RANBP2: variants seen among roughly 807,000 people sequenced by gnomAD.
RANBP2 encodes RAN binding protein 2.
In RANBP2, 57 loss-of-function variants were observed where a neutral mutation model predicts 303.6. That is an observed-to-expected ratio of 0.19 (90% CI 0.15 to 0.23). The LOEUF (loss-of-function observed/expected upper bound fraction) is 0.23. Ranked by LOEUF, RANBP2 falls within the 10% of genes least tolerant of loss-of-function variation. The probability of loss-of-function intolerance (pLI) is 1.00; values close to 1 mark genes in which losing one functional copy is unlikely to be tolerated. For synonymous variants in RANBP2, 1,167 were observed against 1,301.5 expected (o/e 0.90, Z 2.23); for missense variants, 3,138 against 3,780.8 (o/e 0.83, Z 4.46).
the RANBP2 span, among the ~76,000 whole-genome samples, chr2:109,286,288 G>A: frequency 0.011 from 1,630 of 152,332 alleles, 29 homozygotes; most frequent in African/African-American, 0.036. Flanking sequence ...TGATGGAAAA[G>A]TGTGGTCAAG....
chr2:109,321,345 T>C, the RANBP2 span, among the ~76,000 whole-genome samples: 1 of 152,254 alleles, frequency 6.6e-6, no homozygotes, highest in East Asian at 1.9e-4. Context: ...GCCTCTTCCA[T>C]ACCAGAACGT....
At chr2:109,241,611 C>A in the RANBP2 span, among the ~76,000 whole-genome samples, 1 of 152,102 alleles carries the variant, frequency 6.6e-6, no homozygotes, top group East Asian at 1.9e-4. Context: ...GTTCGGTCAG[C>A]TCTGCTGGGA....
chr2:109,631,875 G>T, the RANBP2 span, among the ~76,000 whole-genome samples: 1 of 152,124 alleles, frequency 6.6e-6, no homozygotes, highest in Admixed American at 6.5e-5. Flanking sequence ...TTTTTGAGTG[G>T]TAGGGCTTTT....
At chr2:108,791,932 CT>C in the RANBP2 span, 1 of 923,454 alleles carries the variant, frequency 1.1e-6, no homozygotes, top group Non-Finnish European at 1.5e-6. Context: ...CTTCTGTAAG[CT>C]AGGAGATAGT....
At chr2:109,569,554 CAAG>C in the RANBP2 span, among the ~76,000 whole-genome samples, 1 of 151,892 alleles carries the variant, frequency 6.6e-6, no homozygotes, top group African/African-American at 2.4e-5. Flanking sequence ...CATATGCTCC[CAAG>C]GAGAGAAATT....
At chr2:108,744,536 CA>C (rs1444906146) in intron 7 of RANBP2, among the ~76,000 whole-genome samples, 5 of 152,194 alleles carry the variant, frequency 3.3e-5, no homozygotes, top group Middle Eastern at 3.4e-3. Flanking sequence ...AGGTCAGTTT[CA>C]AAACAAAAAG....
the RANBP2 span, among the ~76,000 whole-genome samples, chr2:109,513,186 C>T: frequency 6.6e-5 from 10 of 152,146 alleles, no homozygotes; most frequent in African/African-American, 2.4e-4. Flanking sequence ...CAAAAGAAAG[C>T]ACCTGCACAG....
At chr2:109,253,030 CT>C in the RANBP2 span, among the ~76,000 whole-genome samples, 3 of 151,024 alleles carry the variant, frequency 2.0e-5, no homozygotes, top group Non-Finnish European at 1.5e-5. Flanking sequence ...CTTTTTTTTT[CT>C]TTTTTTTTAT....
chr2:109,678,755 T>G, the RANBP2 span, among the ~76,000 whole-genome samples: 2 of 152,136 alleles, frequency 1.3e-5, no homozygotes, highest in African/African-American at 4.8e-5. Flanking sequence ...GGGAGAAGGT[T>G]CGCAGGCGGT....
chr2:108,942,634 C>T, the RANBP2 span, among the ~76,000 whole-genome samples: 1 of 152,250 alleles, frequency 6.6e-6, no homozygotes, highest in Admixed American at 6.5e-5. Context: ...GTTCCGCCAC[C>T]TGCTTTCCAC....
chr2:109,377,513 A>G, the RANBP2 span, among the ~76,000 whole-genome samples: 1 of 152,242 alleles, frequency 6.6e-6, no homozygotes, highest in East Asian at 1.9e-4. Flanking sequence ...GTCTGCTGTC[A>G]GGATGCTTGT....
chr2:108,848,782 T>G, the RANBP2 span, among the ~76,000 whole-genome samples: 1 of 151,960 alleles, frequency 6.6e-6, no homozygotes, highest in Non-Finnish European at 1.5e-5. Context: ...ATTTATTTAA[T>G]AAATCAAAAT....
the RANBP2 span, among the ~76,000 whole-genome samples, chr2:109,024,591 C>A: frequency 1.7e-3 from 253 of 152,298 alleles, 1 homozygote; most frequent in Admixed American, 4.8e-3. Context: ...GATGCCTGAA[C>A]CTGGAGGTGA....
At chr2:109,416,406 C>CT in the RANBP2 span, among the ~76,000 whole-genome samples, 1 of 152,036 alleles carries the variant, frequency 6.6e-6, no homozygotes, top group Admixed American at 6.5e-5. Context: ...ACTAGCCTGG[C>CT]CAACATGGCG....
At chr2:109,125,227 C>T in the RANBP2 span, among the ~76,000 whole-genome samples, 1 of 152,184 alleles carries the variant, frequency 6.6e-6, no homozygotes. Flanking sequence ...GTCCCTCCAC[C>T]TCCCAGAGTG....
the RANBP2 span, among the ~76,000 whole-genome samples, chr2:109,026,286 A>G: frequency 4.7e-5 from 2 of 42,330 alleles, no homozygotes; most frequent in Non-Finnish European, 9.7e-5. Context: ...GGCTCATACC[A>G]CCATGCCTAG....
the RANBP2 span, among the ~76,000 whole-genome samples, chr2:109,761,714 T>C: frequency 1.3e-5 from 2 of 148,290 alleles, no homozygotes; most frequent in Non-Finnish European, 3.0e-5. Context: ...AATTACTGCC[T>C]GCATATTCCT....
At chr2:109,119,438 G>A in the RANBP2 span, among the ~76,000 whole-genome samples, 3 of 152,192 alleles carry the variant, frequency 2.0e-5, no homozygotes, top group African/African-American at 7.2e-5. Context: ...CCCCTTGGAT[G>A]ATTTAGGATA....
chr2:109,183,033 T>C, the RANBP2 span, among the ~76,000 whole-genome samples: 3 of 152,210 alleles, frequency 2.0e-5, no homozygotes, highest in African/African-American at 7.2e-5. Context: ...TGTCGTGAGA[T>C]GTATTTTCTA....
Sources: allele counts gnomAD v4.1 joint callset (sites outside exome capture counted in the v4.1 genomes callset), GRCh38; gene constraint gnomAD v4.1.1; transcripts MANE v1.5; gene names NCBI Gene and HGNC (gene_info 2026-07-23, HGNC 2026-07-21).